Variants in PAX7 observed in about 807,000 individuals in gnomAD.
PAX7 encodes paired box 7, also known as paired box protein Pax-7.
In PAX7, 18 loss-of-function variants were observed where a neutral mutation model predicts 50.7. That is an observed-to-expected ratio of 0.36 (90% CI 0.25 to 0.53). PAX7 has a LOEUF of 0.53. Among genes scored for constraint, PAX7 ranks in the 20% least tolerant of loss-of-function variants. PAX7 has a pLI of 0.93. For synonymous variants in PAX7, 310 were observed against 290.4 expected, an observed-to-expected ratio of 1.07 and a Z score of -0.69; for missense variants, 644 against 702.9, an observed-to-expected ratio of 0.92 and a Z score of 0.95.
At chr1:18,721,290 A>G (rs1182927644) in intron 7 of PAX7, among the ~76,000 whole-genome samples, 1 of 152,076 alleles carries the variant, frequency 6.6e-6, no homozygotes, top group Non-Finnish European at 1.5e-5. Context: ...TTAGTTCCAG[A>G]TGCCACCCTG....
At chr1:18,677,062 T>C (rs2743214) in intron 4 of PAX7, among the ~76,000 whole-genome samples, 15,926 of 152,216 alleles carry the variant, frequency 0.1, 1,510 homozygotes, top group African/African-American at 0.25. Context: ...AAGAGTCCTC[T>C]CATCTAAATG....
chr1:18,674,738 C>T (rs1464878530), intron 4 of PAX7, among the ~76,000 whole-genome samples: 1 of 152,216 alleles, frequency 6.6e-6, no homozygotes, highest in East Asian at 1.9e-4. Context: ...TTGTGTGTTT[C>T]TCCCCAGGCT....
rs905206277 is a variant in PAX7 at position 18,631,101 on chromosome 1, A to T, written c.-503A>T. On this transcript the variant is annotated 5_prime_UTR_variant, in exon 1 of 9. Transcript: ENST00000420770. ...GAGCGAGAGAATAAATATATAAATAAATACGAGAACGAAATCCACTCCGCA... is the reference window on the plus strand; with the variant it reads ...GAGCGAGAGAATAAATATATAAATATATACGAGAACGAAATCCACTCCGCA... The T allele has an allele frequency of 1.7e-5, 4 of 230,840 alleles. No individual in the cohort carries two copies. The Admixed American group carries it at 2.3e-4, about 13-fold the overall frequency. 14.3% of individuals were successfully genotyped at this position (230,840 alleles called of 1,614,324 possible).
intron 5 of PAX7, among the ~76,000 whole-genome samples, chr1:18,697,603 C>T (rs924941862): frequency 3.9e-5 from 6 of 152,178 alleles, no homozygotes; most frequent in Non-Finnish European, 8.8e-5. Context: ...ACTCCAGCAT[C>T]CCTGCTGTCA....
At chr1:18,673,069 G>A (rs1007862050) in intron 4 of PAX7, among the ~76,000 whole-genome samples, 2 of 152,186 alleles carry the variant, frequency 1.3e-5, no homozygotes, top group Non-Finnish European at 2.9e-5. Flanking sequence ...GTGAAAGGGA[G>A]TTGGAGTGGC....
chr1:18,676,776 G>A (rs1017324320), intron 4 of PAX7, among the ~76,000 whole-genome samples: 7 of 152,176 alleles, frequency 4.6e-5, no homozygotes, highest in African/African-American at 1.7e-4. Context: ...CCTTTCTCCA[G>A]CAACAGGCAT....
intron 4 of PAX7, among the ~76,000 whole-genome samples, chr1:18,672,596 GTT>G (rs1034079316): frequency 1.6e-5 from 2 of 125,814 alleles, no homozygotes; most frequent in Admixed American, 8.6e-5. Flanking sequence ...AGAGCACTGT[GTT>G]TTTTTTTTTT....
At chr1:18,682,815 G>T (rs900277367) in intron 4 of PAX7, among the ~76,000 whole-genome samples, 1 of 152,168 alleles carries the variant, frequency 6.6e-6, no homozygotes, top group Non-Finnish European at 1.5e-5. Flanking sequence ...TGTGGGGGCG[G>T]GGTAGGCAGG....
intron 7 of PAX7, among the ~76,000 whole-genome samples, chr1:18,733,185 G>C (rs1315834231): frequency 2.0e-5 from 3 of 151,984 alleles, no homozygotes; most frequent in African/African-American, 7.2e-5. Flanking sequence ...AAGCTAAGGA[G>C]ATCCCATCTT....
At position 18,700,667 on chromosome 1, in the gene PAX7, C is replaced by A. The variant is rs1294606018; in HGVS notation, c.801C>A (p.Asn267Lys). ...TEARVQVWFS[N>K]RRARWRKQAG... ...CCACCTCCCAGGTCTGGTTCAGTAA[C>A]CGCCGCGCCCGTTGGCGTAAGCAGG... Residue 267 changes from asparagine (N) to lysine (K), a missense_variant, in exon 6 of 9, where the codon AAC becomes AAA. Coordinates refer to ENST00000420770, the MANE Select transcript of PAX7 (RefSeq NM_001135254.2). This position sits in a 1 kb window ranked among gnomAD's most constrained non-coding sequence, Gnocchi z 4.8. The A allele has an allele frequency of 1.3e-6, 2 of 1,563,378 alleles. No individual in the cohort carries two copies. The highest frequency in any genetic ancestry group is 1.9e-5 in the Admixed American group (1 of 52,856).
At chr1:18,742,570 C>T (rs781176720) in intron 8 of PAX7, among the ~76,000 whole-genome samples, 1 of 152,168 alleles carries the variant, frequency 6.6e-6, no homozygotes, top group Admixed American at 6.5e-5. Flanking sequence ...ATGGGAATGG[C>T]CCTACCCTCA....
intron 4 of PAX7, among the ~76,000 whole-genome samples, chr1:18,685,153 C>T (rs532146675): frequency 1.3e-5 from 2 of 152,316 alleles, no homozygotes; most frequent in South Asian, 4.1e-4. Context: ...CCTGGGTTTA[C>T]TTTGCAGCCC....
rs368110071 is a variant in PAX7, at chr1:18,634,587, G to T, written c.321+49G>T. On this transcript the variant is annotated intron_variant, in intron 2 of 8. Transcript: ENST00000420770. This position sits in a 1 kb window ranked among gnomAD's most constrained non-coding sequence, Gnocchi z 4.0. ...TGGCAGCTGGCTTCCTATAGTCGGG[G>T]GCTCCTGGTTGTGGCCCCTCTTACT... 8 of 1,544,550 alleles carry T rather than the reference G, an allele frequency of 5.2e-6. No individual in the cohort carries two copies. Among genetic ancestry groups the T allele is most frequent in the Non-Finnish European group, 7.1e-6 (8 of 1,123,268 alleles).
Position 18,700,677 on chromosome 1 carries a change from C to A in PAX7, c.811C>A (p.Arg271Ser), listed in dbSNP as rs200642644. The A allele has an allele frequency of 6.3e-7, 1 of 1,581,604 alleles. No homozygotes were observed. Among genetic ancestry groups the A allele is most frequent in the Non-Finnish European group, 8.6e-7 (1 of 1,165,118 alleles). The change falls in exon 6 of 9, where the codon CGT becomes AGT. Residue 271 changes from arginine (R) to serine (S), a missense_variant. Arg to Ser is a moderately radical substitution (Grantham distance 110, BLOSUM62 -1). Transcript: ENST00000420770. This position sits in a 1 kb window ranked among gnomAD's most constrained non-coding sequence, Gnocchi z 4.8. ...VQVWFSNRRA[R>S]WRKQAGANQL... ...GGTCTGGTTCAGTAACCGCCGCGCC[C>A]GTTGGCGTAAGCAGGCAGGAGCCAA...
intron 4 of PAX7, among the ~76,000 whole-genome samples, chr1:18,674,770 G>T (rs2088801616): frequency 6.6e-6 from 1 of 152,210 alleles, no homozygotes; most frequent in African/African-American, 2.4e-5. Context: ...TCACAGAGCA[G>T]CGTGGTCCTG....
chr1:18,633,872 A>G (rs769083919), intron 1 of PAX7, among the ~76,000 whole-genome samples: 10 of 152,376 alleles, frequency 6.6e-5, no homozygotes, highest in Admixed American at 3.3e-4. Context: ...AGACGCAGGC[A>G]GGCCTGCAGC....
At chr1:18,655,177 C>CA (rs1336460636) in intron 4 of PAX7, among the ~76,000 whole-genome samples, 12 of 152,190 alleles carry the variant, frequency 7.9e-5, no homozygotes, top group African/African-American at 2.9e-4. Context: ...TCAATGAAGA[C>CA]AATGTGACTC....
intron 4 of PAX7, among the ~76,000 whole-genome samples, chr1:18,660,577 A>G (rs2088585755): frequency 6.6e-6 from 1 of 152,112 alleles, no homozygotes; most frequent in South Asian, 2.1e-4. Context: ...GGATGATTCA[A>G]GTCTAACTTC....
chr1:18,635,001 G>C (rs1339639596), intron 2 of PAX7, 110 bp from the exon 3 acceptor site: 10 of 1,357,260 alleles, frequency 7.4e-6, no homozygotes, highest in Non-Finnish European at 1.0e-5. Context: ...GGGACACAAG[G>C]TAACCAGAAC....
Sources: allele counts gnomAD v4.1 joint callset (sites outside exome capture counted in the v4.1 genomes callset), GRCh38; gene constraint gnomAD v4.1.1; non-coding constraint Gnocchi (gnomAD v3.1); transcripts MANE v1.5; gene names NCBI Gene and HGNC (gene_info 2026-07-23, HGNC 2026-07-21).